The following GXYLT1 variants were observed in gnomAD, a reference collection of about 807,000 sequenced individuals.
GXYLT1 encodes the protein glycosyltransferase 8 domain containing 3.
A neutral mutation model predicts 54.0 loss-of-function variants in GXYLT1; 29 were observed. The observed-to-expected ratio is 0.54, with a 90% CI of 0.40 to 0.73. The LOEUF (loss-of-function observed/expected upper bound fraction) is 0.73, where lower values mean the gene tolerates loss of function less well. Among genes scored for constraint, GXYLT1 ranks in the 30% least tolerant of loss-of-function variants. GXYLT1 has a pLI of 0.00. For missense variants in GXYLT1, 490 were observed against 553.4 expected (o/e 0.89, Z 1.15); for synonymous variants, 176 against 204.1 (o/e 0.86, Z 1.17).
chr12:42,120,983 GGA>G (rs1335575838), intron 2 of GXYLT1, among the ~76,000 whole-genome samples: 1 of 152,132 alleles, frequency 6.6e-6, no homozygotes, highest in East Asian at 1.9e-4. Flanking sequence ...ATGATGGAGG[GGA>G]GACTTTCTAC....
intron 2 of GXYLT1, among the ~76,000 whole-genome samples, chr12:42,125,030 T>C (rs2065552399): frequency 6.6e-6 from 1 of 151,942 alleles, no homozygotes. Flanking sequence ...GGTCTAGAAG[T>C]GGATGAAGAT....
At chr12:42,105,159 C>A (rs2065412058) in intron 5 of GXYLT1, among the ~76,000 whole-genome samples, 1 of 152,186 alleles carries the variant, frequency 6.6e-6, no homozygotes, top group South Asian at 2.1e-4. Flanking sequence ...CTTAGATATA[C>A]AACTAATCTA....
chr12:42,133,789 G>A (rs2065605283), intron 1 of GXYLT1, among the ~76,000 whole-genome samples: 1 of 152,160 alleles, frequency 6.6e-6, no homozygotes. Context: ...ACTGTCTAGT[G>A]GGGAGTAACA....
chr12:42,120,091 A>G (rs7303028), intron 2 of GXYLT1, among the ~76,000 whole-genome samples: 106,637 of 151,962 alleles, frequency 0.7, 37,750 homozygotes, highest in South Asian at 0.81. Flanking sequence ...TGAGAAAGAT[A>G]GATTTGAAGG....
intron 7 of GXYLT1, among the ~76,000 whole-genome samples, chr12:42,093,185 C>T (rs2065338183): frequency 6.6e-6 from 1 of 152,216 alleles, no homozygotes; most frequent in African/African-American, 2.4e-5. Context: ...GAAACCTCCA[C>T]ATCCCAGGTT....
At chr12:42,113,993 C>T (rs1297113440) in intron 3 of GXYLT1, among the ~76,000 whole-genome samples, 6 of 152,184 alleles carry the variant, frequency 3.9e-5, no homozygotes, top group African/African-American at 1.4e-4. Flanking sequence ...AACCACTCAA[C>T]TACATGGAAA....
chr12:42,122,485 G>A lies in GXYLT1; in HGVS notation c.315-3314C>T, dbSNP rs183917574. Among the ~76,000 whole-genome samples the A allele has an allele frequency of 3.7e-3, 564 of 152,306 alleles. 4 individuals are homozygous for A. The highest frequency in any genetic ancestry group is 6.7e-3 in the Non-Finnish European group (458 of 68,026). On this transcript the variant is annotated intron_variant, in intron 2 of 7. Transcript: ENST00000398675. ...CACACCTGTAGTCCCAGCTATTCGA[G>A]AGGCTGAGACAGGAGAATTGCATGA...
At chr12:42,129,954 G>A in intron 1 of GXYLT1, 103 bp from the exon 2 acceptor site, 1 of 680,546 alleles carries the variant, frequency 1.5e-6, no homozygotes, top group Non-Finnish European at 2.5e-6. Context: ...CTATTTTAAA[G>A]CAAATAAAAT....
intron 3 of GXYLT1, among the ~76,000 whole-genome samples, chr12:42,112,101 A>C (rs977664597): frequency 6.6e-6 from 1 of 152,228 alleles, no homozygotes; most frequent in Non-Finnish European, 1.5e-5. Context: ...GTAGAAGGAA[A>C]ACTAACAAAC....
intron 1 of GXYLT1, among the ~76,000 whole-genome samples, chr12:42,139,504 C>A (rs1390501635): frequency 6.6e-6 from 1 of 152,132 alleles, no homozygotes; most frequent in Non-Finnish European, 1.5e-5. Flanking sequence ...TGCCTCGCCT[C>A]TTCTACCATG....
chr12:42,140,200 C>CGGGGG (rs1188871012), intron 1 of GXYLT1, among the ~76,000 whole-genome samples: 2 of 38,112 alleles, frequency 5.2e-5, no homozygotes, highest in African/African-American at 1.3e-4. Flanking sequence ...AAAAAAAAGG[C>CGGGGG]GGGGGGGGGG....
intron 2 of GXYLT1, among the ~76,000 whole-genome samples, chr12:42,120,217 A>G (rs2065522406): frequency 6.6e-6 from 1 of 152,260 alleles, no homozygotes; most frequent in African/African-American, 2.4e-5. Context: ...TTCACTGTAA[A>G]GCAAACCCAG....
At chr12:42,092,372 T>A (rs1318098211) in intron 7 of GXYLT1, among the ~76,000 whole-genome samples, 1 of 152,214 alleles carries the variant, frequency 6.6e-6, no homozygotes, top group African/African-American at 2.4e-5. Flanking sequence ...TAATACTTCT[T>A]CCTTAGTAGC....
At chr12:42,113,963 G>C (rs1366163269) in intron 3 of GXYLT1, among the ~76,000 whole-genome samples, 1 of 152,030 alleles carries the variant, frequency 6.6e-6, no homozygotes, top group African/African-American at 2.4e-5. Flanking sequence ...CTAGAACTCA[G>C]GATTAAGAAA....
intron 1 of GXYLT1, among the ~76,000 whole-genome samples, chr12:42,135,085 T>C (rs2065612145): frequency 6.6e-6 from 1 of 152,210 alleles, no homozygotes; most frequent in Non-Finnish European, 1.5e-5. Flanking sequence ...GACTTTGACC[T>C]TATTCAAGTG....
At chr12:42,114,685 G>A (rs891504207) in intron 3 of GXYLT1, among the ~76,000 whole-genome samples, 11 of 152,050 alleles carry the variant, frequency 7.2e-5, no homozygotes, top group South Asian at 4.2e-4. Flanking sequence ...ATTCACAGCC[G>A]AATTCTACCA....
At chr12:42,108,597 CT>C (rs1429570348) in intron 4 of GXYLT1, among the ~76,000 whole-genome samples, 1 of 151,868 alleles carries the variant, frequency 6.6e-6, no homozygotes, top group African/African-American at 2.4e-5. Flanking sequence ...TATTTGTGTG[CT>C]TTTTACAATG....
At chr12:42,106,240 T>G (rs191507018) in intron 4 of GXYLT1, among the ~76,000 whole-genome samples, 171 bp from the exon 5 acceptor site, 73 of 152,296 alleles carry the variant, frequency 4.8e-4, no homozygotes, top group African/African-American at 1.6e-3. Context: ...TATATAAAGA[T>G]ACTATGCTAA....
At chr12:42,127,278 G>T (rs530113003) in intron 2 of GXYLT1, among the ~76,000 whole-genome samples, 1 of 152,328 alleles carries the variant, frequency 6.6e-6, no homozygotes, top group East Asian at 1.9e-4. Flanking sequence ...GATTAAATGT[G>T]AGGGAATCGT....
Sources: gnomAD v4.1 joint callset for allele counts (sites outside exome capture counted in the v4.1 genomes callset) on GRCh38, gnomAD v4.1.1 for gene constraint, MANE v1.5 for transcripts, NCBI Gene and HGNC (gene_info 2026-07-23, HGNC 2026-07-21) for gene names.